Variants in LINGO1 observed in about 807,000 individuals in gnomAD.
LINGO1 encodes the protein leucine-rich repeat and immunoglobulin-like domain-containing nogo receptor-interacting protein 1.
Under a neutral mutation model 37.3 loss-of-function variants are expected in LINGO1, and 11 were observed. That is an observed-to-expected ratio of 0.29 (90% confidence interval 0.19 to 0.49). The LOEUF is 0.49. Among genes scored for constraint, LINGO1 ranks in the 20% least tolerant of loss-of-function variants. LINGO1 has a pLI of 0.99. For synonymous variants in LINGO1, 387 were observed against 403.0 expected, an observed-to-expected ratio of 0.96 and a Z score of 0.48; for missense variants, 585 against 878.2, an observed-to-expected ratio of 0.67 and a Z score of 4.22.
intron 1 of LINGO1, among the ~76,000 whole-genome samples, chr15:77,740,572 C>T (rs2076252950): frequency 6.6e-6 from 1 of 152,130 alleles, no homozygotes; most frequent in African/African-American, 2.4e-5. Flanking sequence ...ATACCTGGTG[C>T]CCCACTCACA....
intron 1 of LINGO1, among the ~76,000 whole-genome samples, chr15:77,623,172 G>A (rs1278175687): frequency 6.6e-6 from 1 of 152,216 alleles, no homozygotes; most frequent in East Asian, 1.9e-4. Context: ...AGGAGGCTTT[G>A]TGGTGAGGGG....
intron 3 of LINGO1, among the ~76,000 whole-genome samples, chr15:77,669,838 C>T (rs951422097): frequency 3.9e-5 from 6 of 152,224 alleles, no homozygotes; most frequent in African/African-American, 9.6e-5. Context: ...CATCGCCTTA[C>T]GGCCCAGCAA....
At chr15:77,696,099 G>C (rs950434125) in intron 1 of LINGO1, 3 of 152,148 alleles carry the variant, frequency 2.0e-5, no homozygotes, top group African/African-American at 7.2e-5. Flanking sequence ...TGAATGATCT[G>C]TCGGCTTCTA....
intron 3 of LINGO1, among the ~76,000 whole-genome samples, chr15:77,661,168 A>AG: frequency 6.6e-6 from 1 of 152,174 alleles, no homozygotes; most frequent in Non-Finnish European, 1.5e-5. Flanking sequence ...GCCAGGTTGC[A>AG]GGGACAGTGC....
intron 1 of LINGO1, among the ~76,000 whole-genome samples, chr15:77,618,264 C>G (rs1265727146): frequency 2.0e-5 from 3 of 152,178 alleles, no homozygotes; most frequent in African/African-American, 7.2e-5. Context: ...TATACAGACA[C>G]GAATCTGGCA....
At chr15:77,732,797 G>A (rs778386155) in intron 2 of LINGO1, among the ~76,000 whole-genome samples, 19 of 152,190 alleles carry the variant, frequency 1.2e-4, no homozygotes, top group South Asian at 4.1e-4. Context: ...CCTCCTTCCC[G>A]GCTCCCATGC....
chr15:77,669,658 C>A (rs74418636), intron 3 of LINGO1, among the ~76,000 whole-genome samples: 7,648 of 152,278 alleles, frequency 0.05, 240 homozygotes, highest in East Asian at 0.13. Flanking sequence ...GCTCCCATAG[C>A]CCACTGTGTT....
At chr15:77,689,925 A>T (rs2075574526) in intron 2 of LINGO1, among the ~76,000 whole-genome samples, 1 of 152,258 alleles carries the variant, frequency 6.6e-6, no homozygotes, top group Non-Finnish European at 1.5e-5. Flanking sequence ...GCTAGATGTC[A>T]GACCTTTCTG....
intron 1 of LINGO1, among the ~76,000 whole-genome samples, chr15:77,767,490 C>T (rs1478129611): frequency 6.6e-6 from 1 of 152,072 alleles, no homozygotes; most frequent in East Asian, 1.9e-4. Context: ...AAGAGGAAGA[C>T]GTGGGGTCCA....
At chr15:77,730,102 C>T (rs1397542371) in intron 2 of LINGO1, among the ~76,000 whole-genome samples, 2 of 151,530 alleles carry the variant, frequency 1.3e-5, no homozygotes, top group African/African-American at 4.9e-5. Context: ...AAGGCTGAAG[C>T]AGGCCCCAGC....
intron 3 of LINGO1, among the ~76,000 whole-genome samples, chr15:77,646,823 CATT>C (rs1298380753): frequency 2.0e-5 from 3 of 147,852 alleles, no homozygotes; most frequent in African/African-American, 5.4e-5. Context: ...GCCTGGGAAA[CATT>C]AATAATGTCT....
chr15:77,727,077 G>A (rs1375008260), intron 2 of LINGO1, among the ~76,000 whole-genome samples: 1 of 152,152 alleles, frequency 6.6e-6, no homozygotes, highest in African/African-American at 2.4e-5. Context: ...ACTACGGAAA[G>A]AAAAATAAGT....
At chr15:77,818,931 G>T (rs1031749747) in intron 1 of LINGO1, among the ~76,000 whole-genome samples, 3 of 151,316 alleles carry the variant, frequency 2.0e-5, no homozygotes, top group Admixed American at 1.3e-4. Context: ...TGGAAAGGAA[G>T]GCCGGAGTTG....
chr15:77,664,130 A>AGTGTGTGTGTGTGTGTGT (rs774494605), intron 3 of LINGO1, among the ~76,000 whole-genome samples: 30 of 130,364 alleles, frequency 2.3e-4, no homozygotes, highest in African/African-American at 7.5e-4. Flanking sequence ...ACACAGGAGC[A>AGTGTGTGTGTGTGTGTGT]GTGTGTGTGT....
chr15:77,794,887 G>A (rs955494013), intron 2 of LINGO1, among the ~76,000 whole-genome samples: 3 of 152,068 alleles, frequency 2.0e-5, no homozygotes, highest in Non-Finnish European at 2.9e-5. Flanking sequence ...CTGGGCTTCG[G>A]AGCAAGGCCT....
chr15:77,718,529 G>C (rs900986103), intron 2 of LINGO1, among the ~76,000 whole-genome samples: 3 of 150,822 alleles, frequency 2.0e-5, no homozygotes, highest in Non-Finnish European at 4.4e-5. Context: ...ACACATCCAC[G>C]CATATTTGCA....
intron 1 of LINGO1, among the ~76,000 whole-genome samples, chr15:77,617,795 G>A (rs1345496660): frequency 2.0e-5 from 3 of 152,264 alleles, no homozygotes; most frequent in Non-Finnish European, 4.4e-5. Flanking sequence ...CAGTCTCCCA[G>A]GACTGACGGG....
intron 1 of LINGO1, among the ~76,000 whole-genome samples, chr15:77,796,310 G>GCA (rs145431085): frequency 0.021 from 3,250 of 151,782 alleles, 110 homozygotes; most frequent in African/African-American, 0.075. Context: ...GTGCGGGCGT[G>GCA]CACACACACA....
chr15:77,669,885 C>T (rs1596081828), intron 3 of LINGO1, among the ~76,000 whole-genome samples: 1 of 152,202 alleles, frequency 6.6e-6, no homozygotes, highest in African/African-American at 2.4e-5. Context: ...AAATTGAAAA[C>T]ACTTGTGCAC....
Sources: allele counts gnomAD v4.1 joint callset (sites outside exome capture counted in the v4.1 genomes callset), GRCh38; gene constraint gnomAD v4.1.1; transcripts MANE v1.5; gene names NCBI Gene and HGNC (gene_info 2026-07-23, HGNC 2026-07-21).